Variants in ARHGEF28 observed in about 807,000 individuals in gnomAD.
The protein encoded by ARHGEF28 is Rho guanine nucleotide exchange factor 28, also known as 190 kDa guanine nucleotide exchange factor.
ARHGEF28 carries 152 observed loss-of-function variants against 206.6 expected under a neutral mutation model. The observed-to-expected ratio is 0.74, with a 90% confidence interval of 0.64 to 0.84. ARHGEF28 has a LOEUF of 0.84. Ranked by LOEUF, ARHGEF28 falls within the 40% of genes least tolerant of loss-of-function variation. The pLI is 0.00. For missense variants in ARHGEF28, 2,028 were observed against 2,073.2 expected (o/e 0.98, Z 0.42); for synonymous variants, 763 against 776.4 (o/e 0.98, Z 0.29).
In ARHGEF28 at chr5:73,888,040, G is replaced by A. The variant is rs143398302; in HGVS notation, c.3387+361G>A. Among the ~76,000 whole-genome samples, 414 of 151,516 alleles carry A rather than the reference G, an allele frequency of 2.7e-3. 13 individuals carry two copies. In the East Asian group the frequency reaches 0.072, roughly 26 times the overall value. On this transcript the variant is annotated intron_variant, in intron 26 of 35. Transcript: ENST00000513042. Reference sequence around the variant, plus strand: ...TTTCCTCCAGACTCCTCTCTTCCCCGCCCCTTCGGCCCCCAAACCCCTTCC... The same window carrying A: ...TTTCCTCCAGACTCCTCTCTTCCCCACCCCTTCGGCCCCCAAACCCCTTCC...
At chr5:73,733,141 C>T (rs1750712507) in intron 2 of ARHGEF28, among the ~76,000 whole-genome samples, 1 of 152,116 alleles carries the variant, frequency 6.6e-6, no homozygotes, top group Non-Finnish European at 1.5e-5. Context: ...TCTCACCTGC[C>T]TCTCACCCTT....
rs761313251 is a variant in ARHGEF28 at position 73,832,411 on chromosome 5, G to T, written c.1098G>T (p.Met366Ile). The T allele has an allele frequency of 6.2e-7, 1 of 1,612,564 alleles. No individual in the cohort carries two copies. Among genetic ancestry groups the T allele is most frequent in the African/African-American group, 1.3e-5 (1 of 75,034 alleles). ...TLLAAGRLSD[M>I]LNGGDEVYAN... is the part of the protein sequence containing the mutation. ...TTGCTGCAGGCCGGCTTTCAGACATGCTGAATGGAGGTGATGAAGTCTACG... is the reference window on the plus strand; with the variant it reads ...TTGCTGCAGGCCGGCTTTCAGACATTCTGAATGGAGGTGATGAAGTCTACG... Residue 366 changes from methionine to isoleucine, a missense_variant, in exon 10 of 36, where the codon ATG becomes ATT. Around this residue, in one of 3 missense-constraint regions of ARHGEF28, gnomAD observed 1,002 missense variants for 1,015.3 expected, o/e 0.99. Coordinates refer to ENST00000513042, the MANE Select transcript of ARHGEF28 (RefSeq NM_001177693.2).
At chr5:73,717,106 A>G (rs1457187379) in intron 2 of ARHGEF28, among the ~76,000 whole-genome samples, 1 of 152,168 alleles carries the variant, frequency 6.6e-6, no homozygotes, top group African/African-American at 2.4e-5. Context: ...AATCCACCCA[A>G]ACAAATCCTT....
intron 2 of ARHGEF28, among the ~76,000 whole-genome samples, chr5:73,715,377 A>G (rs1749522417): frequency 6.6e-6 from 1 of 152,164 alleles, no homozygotes; most frequent in Non-Finnish European, 1.5e-5. Flanking sequence ...TTCAAAGCCT[A>G]GCAGGAGACA....
At chr5:73,897,369 G>C (rs959139839) in intron 29 of ARHGEF28, among the ~76,000 whole-genome samples, 1 of 152,074 alleles carries the variant, frequency 6.6e-6, no homozygotes, top group Non-Finnish European at 1.5e-5. Context: ...ATATCCCCTA[G>C]AACAGGTGCT....
intron 1 of ARHGEF28, among the ~76,000 whole-genome samples, chr5:73,629,048 ATAT>A (rs1743192256): frequency 6.6e-6 from 1 of 152,156 alleles, no homozygotes; most frequent in Non-Finnish European, 1.5e-5. Context: ...CATTCAACTA[ATAT>A]TTGTTGAAGT....
chr5:73,921,396 G>T (rs1279656959), intron 35 of ARHGEF28, among the ~76,000 whole-genome samples: 2 of 152,202 alleles, frequency 1.3e-5, no homozygotes, highest in African/African-American at 4.8e-5. Context: ...TTGATCTGTG[G>T]AGATGTTAAT....
intron 1 of ARHGEF28, among the ~76,000 whole-genome samples, chr5:73,648,585 A>G (rs1744591857): frequency 6.6e-6 from 1 of 152,252 alleles, no homozygotes; most frequent in Admixed American, 6.5e-5. Flanking sequence ...GGAGGGCTGA[A>G]TGTTCCCTAA....
At position 73,754,003 on chromosome 5, in the gene ARHGEF28, T is replaced by C. The variant is rs112119179; in HGVS notation, c.475+801T>C. On this transcript the variant is annotated intron_variant, in intron 4 of 35. Coordinates refer to ENST00000513042, the MANE Select transcript of ARHGEF28 (RefSeq NM_001177693.2). ...TTTTTATTGGTGATTACAAGTTATA[T>C]ATAATTTTATTGGAAATACACAAAT... is the stretch of plus-strand genomic sequence containing the variant. Among the ~76,000 whole-genome samples, 649 of 152,322 alleles carry C rather than the reference T, an allele frequency of 4.3e-3. 5 individuals carry two copies. Among genetic ancestry groups the C allele is most frequent in the African/African-American group, 0.014 (590 of 41,562 alleles).
chr5:73,886,853 G>T (rs1761333053), intron 25 of ARHGEF28, among the ~76,000 whole-genome samples: 1 of 152,190 alleles, frequency 6.6e-6, no homozygotes, highest in African/African-American at 2.4e-5. Flanking sequence ...CTACTCTGCA[G>T]CCAGGGCTAA....
intron 22 of ARHGEF28, among the ~76,000 whole-genome samples, chr5:73,880,534 G>A (rs1277415026): frequency 1.3e-5 from 2 of 152,252 alleles, no homozygotes; most frequent in African/African-American, 4.8e-5. Context: ...CACGCTAGGA[G>A]CTGTAGACCG....
At position 73,662,078 on chromosome 5, in the gene ARHGEF28, C is replaced by T. The variant is rs564536802; in HGVS notation, c.-11-22763C>T. Reference sequence around the variant, plus strand: ...CCTGTATTTGGTATGCACAAGCTTGCGTATCCTGTTGCTGCTAATGTTAGT... The same window carrying T: ...CCTGTATTTGGTATGCACAAGCTTGTGTATCCTGTTGCTGCTAATGTTAGT... On this transcript the variant is annotated intron_variant, in intron 1 of 35. Transcript: ENST00000513042. 1.2e-4 allele frequency among the ~76,000 whole-genome samples: 18 copies of T among 152,328 alleles called. No individual in the cohort carries two copies. The South Asian group carries it at 2.3e-3, about 19-fold the overall frequency.
intron 2 of ARHGEF28, among the ~76,000 whole-genome samples, chr5:73,741,383 GTGTATATATATATATATATA>G (rs1561371002): frequency 2.8e-3 from 51 of 18,286 alleles, no homozygotes; most frequent in Admixed American, 5.5e-3. Flanking sequence ...GTGTGTGTGT[GTGTATATATATATATATATA>G]TATATATATA....
intron 7 of ARHGEF28, among the ~76,000 whole-genome samples, chr5:73,782,676 A>T (rs1753918327): frequency 6.6e-6 from 1 of 151,968 alleles, no homozygotes; most frequent in Non-Finnish European, 1.5e-5. Flanking sequence ...GCCACTCTTT[A>T]CCCTGCTGCC....
Position 73,773,854 on chromosome 5 carries a change from G to A in ARHGEF28, c.476-1G>A. On this transcript the variant is annotated splice_acceptor_variant, in intron 4 of 35. Coordinates refer to ENST00000513042, the MANE Select transcript of ARHGEF28 (RefSeq NM_001177693.2). LOFTEE classifies it high-confidence loss of function. Reference sequence around the variant, plus strand: ...TATGGTATGTGTTTTTTCCTCTTCAGTATCTTCTCACAGAGAATCTCTTCT... The same window carrying A: ...TATGGTATGTGTTTTTTCCTCTTCAATATCTTCTCACAGAGAATCTCTTCT... 3 of 1,589,836 alleles carry A rather than the reference G, an allele frequency of 1.9e-6. No homozygotes were observed. The highest frequency in any genetic ancestry group is 3.3e-4 in the Middle Eastern group (2 of 5,988).
At position 73,762,543 on chromosome 5, in the gene ARHGEF28, A is replaced by G. The variant is rs772889554; in HGVS notation, c.475+9341A>G. Among the ~76,000 whole-genome samples the G allele has an allele frequency of 5.3e-5, 8 of 152,034 alleles. No homozygotes were observed. In the Middle Eastern group the frequency reaches 0.02, roughly 388 times the overall value. ...GTATAAATTTTTCTTCACTACTCCC[A>G]TCTTCCCATCTGCAGTTTATAATAG... On this transcript the variant is annotated intron_variant, in intron 4 of 35. Transcript: ENST00000513042.
intron 34 of ARHGEF28, 84 bp downstream of exon 34, chr5:73,909,981 T>G (rs768168421): frequency 1.4e-6 from 2 of 1,414,756 alleles, no homozygotes; most frequent in Non-Finnish European, 9.2e-7. Context: ...ACCAAACATC[T>G]GTCATTTTGG....
intron 35 of ARHGEF28, among the ~76,000 whole-genome samples, chr5:73,915,619 T>C (rs1763166889): frequency 6.6e-6 from 1 of 152,198 alleles, no homozygotes; most frequent in Non-Finnish European, 1.5e-5. Context: ...TCAACAGCAT[T>C]ACTCTGAAAG....
At chr5:73,678,834 T>C (rs1304521332) in intron 1 of ARHGEF28, among the ~76,000 whole-genome samples, 1 of 152,222 alleles carries the variant, frequency 6.6e-6, no homozygotes, top group Non-Finnish European at 1.5e-5. Flanking sequence ...GTACCCTATT[T>C]AATGTATTTA....
Sources: gnomAD v4.1 joint callset for allele counts (sites outside exome capture counted in the v4.1 genomes callset) on GRCh38, gnomAD v4.1.1 for gene constraint, gnomAD v4.1.1 regional missense constraint, MANE v1.5 for transcripts, NCBI Gene and HGNC (gene_info 2026-07-23, HGNC 2026-07-21) for gene names.